Variants in GSK3B observed in about 807,000 individuals in gnomAD.
The protein encoded by GSK3B is glycogen synthase kinase 3 beta.
A neutral mutation model predicts 56.4 loss-of-function variants in GSK3B; 15 were observed. The observed-to-expected ratio is 0.27, with a 90% CI of 0.18 to 0.41. GSK3B has a LOEUF of 0.41. Among genes scored for constraint, GSK3B ranks in the 10% least tolerant of loss-of-function variants. The pLI, the probability that GSK3B is intolerant of heterozygous loss-of-function variation, is 1.00. For missense variants in GSK3B, 300 were observed against 513.4 expected, an observed-to-expected ratio of 0.58 and a Z score of 4.02; for synonymous variants, 181 against 188.9, an observed-to-expected ratio of 0.96 and a Z score of 0.34.
intron 10 of GSK3B, among the ~76,000 whole-genome samples, chr3:119,839,873 C>A (rs1034435160): frequency 2.6e-5 from 4 of 152,014 alleles, no homozygotes; most frequent in African/African-American, 7.3e-5. Flanking sequence ...AATTAATTCG[C>A]CCCAGGGTAT....
intron 3 of GSK3B, among the ~76,000 whole-genome samples, chr3:119,928,496 T>G (rs2056909461): frequency 1.3e-5 from 2 of 150,918 alleles, no homozygotes; most frequent in African/African-American, 4.9e-5. Context: ...TCCTAGCTAC[T>G]TGGGAGGCTG....
In GSK3B at chr3:120,094,422, C is replaced by T; in HGVS notation, c.-988G>A. ...GGCGGCGGCGGCACAAGCCCGCATT[C>T]GCCCGGGTCAGGAGCTGCTCTGTGT... On this transcript the variant is annotated 5_prime_UTR_variant, in exon 1 of 11. Coordinates refer to ENST00000264235, the MANE Select transcript of GSK3B (RefSeq NM_001146156.2). 6.3e-6 allele frequency: 2 copies of T among 315,798 alleles called. No individual in the cohort carries two copies. Among genetic ancestry groups the T allele is most frequent in the South Asian group, 4.1e-5 (1 of 24,148 alleles). 19.6% of individuals were successfully genotyped at this position (315,798 alleles called of 1,614,324 possible).
intron 3 of GSK3B, among the ~76,000 whole-genome samples, chr3:119,935,043 T>A (rs970429600): frequency 3.3e-5 from 5 of 152,112 alleles, no homozygotes; most frequent in African/African-American, 1.2e-4. Flanking sequence ...CAGATGATAA[T>A]TACCACCTCA....
chr3:120,018,858 T>G (rs531961131), intron 1 of GSK3B, among the ~76,000 whole-genome samples: 37 of 152,278 alleles, frequency 2.4e-4, no homozygotes, highest in African/African-American at 8.9e-4. Context: ...AGTGAACAGA[T>G]AGCAAACATT....
At chr3:119,850,227 G>A (rs578197723) in intron 9 of GSK3B, among the ~76,000 whole-genome samples, 1 of 152,232 alleles carries the variant, frequency 6.6e-6, no homozygotes, top group South Asian at 2.1e-4. Context: ...GTGCGGGTGA[G>A]GGTGGGGTCC....
intron 9 of GSK3B, among the ~76,000 whole-genome samples, chr3:119,859,130 G>A (rs2056064203): frequency 6.7e-6 from 1 of 150,050 alleles, no homozygotes; most frequent in South Asian, 2.1e-4. Context: ...ATAGCCTGTT[G>A]GAAAAACAGG....
chr3:119,959,506 CTTTTTTTT>C (rs34702117), intron 2 of GSK3B, among the ~76,000 whole-genome samples: 4 of 89,184 alleles, frequency 4.5e-5, no homozygotes, highest in African/African-American at 1.3e-4. Context: ...TTCTCTCTGA[CTTTTTTTT>C]TTTTTTTTTT....
intron 10 of GSK3B, among the ~76,000 whole-genome samples, chr3:119,828,546 G>A (rs1003826057): frequency 2.6e-5 from 4 of 152,190 alleles, no homozygotes; most frequent in African/African-American, 9.6e-5. Flanking sequence ...TAGGACTGAA[G>A]GGATTTGTAG....
chr3:120,061,207 T>C (rs1256362431), intron 1 of GSK3B, among the ~76,000 whole-genome samples: 1 of 152,244 alleles, frequency 6.6e-6, no homozygotes, highest in African/African-American at 2.4e-5. Flanking sequence ...CATCCAGAAA[T>C]AAATTATTTT....
chr3:119,928,604 C>CAA (rs1430388699), intron 3 of GSK3B, among the ~76,000 whole-genome samples: 85 of 28,546 alleles, frequency 3.0e-3, no homozygotes, highest in African/African-American at 4.4e-3. Context: ...GACTCCATAT[C>CAA]AAAAAAATAA....
chr3:120,006,796 C>A (rs1253065851), intron 1 of GSK3B, among the ~76,000 whole-genome samples: 12 of 152,094 alleles, frequency 7.9e-5, no homozygotes, highest in Admixed American at 7.2e-4. Context: ...GCACTAAATG[C>A]CCACAAGAGA....
At chr3:119,999,646 G>A (rs186058050) in intron 2 of GSK3B, among the ~76,000 whole-genome samples, 8 of 152,270 alleles carry the variant, frequency 5.3e-5, no homozygotes, top group South Asian at 2.1e-4. Context: ...TGGACAATAT[G>A]GGCTCGAGGA....
At position 120,038,817 on chromosome 3, in the gene GSK3B, A is replaced by AT. The variant is rs545112081; in HGVS notation, c.89-36579dup. On this transcript the variant is annotated intron_variant, in intron 1 of 10. Coordinates refer to ENST00000264235, the MANE Select transcript of GSK3B (RefSeq NM_001146156.2). ...ACATACAACACCAAAAGCACAGTCC[A>AT]TAAAAAAAAAAAAAATGGAAAAGTG... 6.2e-3 allele frequency among the ~76,000 whole-genome samples: 936 copies of AT among 150,414 alleles called. 9 individuals carry two copies. Among genetic ancestry groups the AT allele is most frequent in the African/African-American group, 0.02 (802 of 40,236 alleles).
rs151030782 is a variant in GSK3B, at chr3:120,009,522, G to A, written c.89-7283C>T. ...GCCGCCATAAAAAAGGAGAGTTCAT[G>A]TCCTTTGCAGGGACATGGATGAAGC... is the stretch of plus-strand genomic sequence containing the variant. On this transcript the variant is annotated intron_variant, in intron 1 of 10. Transcript: ENST00000264235. 2.1e-3 allele frequency among the ~76,000 whole-genome samples: 317 copies of A among 152,240 alleles called. 1 individual carries two copies. The highest frequency in any genetic ancestry group is 6.9e-3 in the African/African-American group (288 of 41,540).
chr3:119,956,851 G>A (rs553042543), intron 2 of GSK3B, among the ~76,000 whole-genome samples: 4 of 152,084 alleles, frequency 2.6e-5, no homozygotes, highest in Non-Finnish European at 5.9e-5. Flanking sequence ...CCTTGAACAG[G>A]GGCAAATAAA....
chr3:120,022,989 A>G (rs1330435630), intron 1 of GSK3B, among the ~76,000 whole-genome samples: 1 of 152,194 alleles, frequency 6.6e-6, no homozygotes, highest in Non-Finnish European at 1.5e-5. Context: ...TTAAAGTAGG[A>G]AACAATTTCC....
Position 119,992,089 on chromosome 3 carries a change from C to CT in GSK3B, c.282+9956dup, listed in dbSNP as rs1030572295. ...AAAATCCCAATTTAAAAGATCAACA[C>CT]TTTTTTTATAAAGTTAGATAAACTG... On this transcript the variant is annotated intron_variant, in intron 2 of 10. Coordinates refer to ENST00000264235, the MANE Select transcript of GSK3B (RefSeq NM_001146156.2). 3.9e-5 allele frequency among the ~76,000 whole-genome samples: 6 copies of CT among 152,048 alleles called. No homozygotes were observed. In the East Asian group the frequency reaches 5.8e-4, roughly 15 times the overall value.
At chr3:119,960,628 T>C (rs867408829) in intron 2 of GSK3B, among the ~76,000 whole-genome samples, 5 of 152,218 alleles carry the variant, frequency 3.3e-5, no homozygotes, top group Non-Finnish European at 4.4e-5. Flanking sequence ...TGCATAAATA[T>C]CTGAATATCA....
At chr3:120,017,078 T>A (rs2057833729) in intron 1 of GSK3B, among the ~76,000 whole-genome samples, 1 of 152,236 alleles carries the variant, frequency 6.6e-6, no homozygotes, top group South Asian at 2.1e-4. Context: ...ATCCGTTTGA[T>A]TTACAAGCTG....
Sources: allele counts gnomAD v4.1 joint callset (sites outside exome capture counted in the v4.1 genomes callset), GRCh38; gene constraint gnomAD v4.1.1; transcripts MANE v1.5; gene names NCBI Gene and HGNC (gene_info 2026-07-23, HGNC 2026-07-21).